CSMD2: variants seen among roughly 807,000 people sequenced by gnomAD.
The protein encoded by CSMD2 is CUB and Sushi multiple domains 2.
CSMD2 carries 130 observed loss-of-function variants against 398.5 expected under a neutral mutation model. That is an observed-to-expected ratio of 0.33 (90% CI 0.28 to 0.38). The LOEUF is 0.38. Ranked by LOEUF, CSMD2 falls within the 10% of genes least tolerant of loss-of-function variation. The probability of loss-of-function intolerance (pLI) is 1.00; values close to 1 mark genes in which losing one functional copy is unlikely to be tolerated. For missense variants in CSMD2, 3,829 were observed against 4,764.9 expected, an observed-to-expected ratio of 0.80 and a Z score of 5.78; for synonymous variants, 1,828 against 1,908.5, an observed-to-expected ratio of 0.96 and a Z score of 1.10.
Position 33,583,711 on chromosome 1 carries a change from A to T in CSMD2, c.7171T>A (p.Tyr2391Asn), listed in dbSNP as rs1458087646. 1 of 1,614,098 alleles carries T rather than the reference A, an allele frequency of 6.2e-7. No individual in the cohort carries two copies. The highest frequency in any genetic ancestry group is 1.3e-5 in the African/African-American group (1 of 74,938). ...TACTCCACTGTGAGGGAGATGTTAT[A>T]GTCGGGCTCCACTCTCACCAGCCAA... is the stretch of plus-strand genomic sequence containing the variant. ...CSWLVRVEPD[Y>N]NISLTVEYFL... Residue 2391 changes from tyrosine (Y) to asparagine (N), a missense_variant, in exon 47 of 71, where the codon TAT (tyrosine) becomes AAT (asparagine). Transcript: ENST00000373381.
In CSMD2 at chr1:33,641,080, C is replaced by T. The variant is rs373628556; in HGVS notation, c.4775-4526G>A. 1.3e-4 allele frequency among the ~76,000 whole-genome samples: 20 copies of T among 152,330 alleles called. 1 individual carries two copies. The South Asian group carries it at 3.7e-3, about 28-fold the overall frequency. On this transcript the variant is annotated intron_variant, in intron 29 of 70. Coordinates refer to ENST00000373381, the MANE Select transcript of CSMD2 (RefSeq NM_001281956.2). ...TCTGGCACAGAGGGCTTCTACTTAA[C>T]CTTTAGGGCTCTGTCTAAATGGATC...
intron 1 of CSMD2, among the ~76,000 whole-genome samples, chr1:34,151,814 TC>T (rs67575054): frequency 0.017 from 1,480 of 86,790 alleles, 23 homozygotes; most frequent in African/African-American, 0.052. Context: ...CCTCCCTCCC[TC>T]CCCCCCCTTC....
intron 1 of CSMD2, among the ~76,000 whole-genome samples, chr1:34,105,736 A>G (rs1313734241): frequency 1.3e-5 from 2 of 152,254 alleles, no homozygotes; most frequent in Non-Finnish European, 2.9e-5. Context: ...TTATTAATGC[A>G]TTATTAATAA....
intron 37 of CSMD2, among the ~76,000 whole-genome samples, chr1:33,621,387 G>A (rs1370077381): frequency 1.3e-5 from 2 of 152,116 alleles, no homozygotes; most frequent in Non-Finnish European, 2.9e-5. Context: ...CCATCCATGA[G>A]AGCACCTGTA....
At chr1:33,615,681 T>A (rs1245950859) in intron 39 of CSMD2, among the ~76,000 whole-genome samples, 1 of 152,240 alleles carries the variant, frequency 6.6e-6, no homozygotes, top group Non-Finnish European at 1.5e-5. Context: ...AAACCCCTAA[T>A]GAACAGCAGC....
In CSMD2 at chr1:34,145,712, G is replaced by A. The variant is rs76907943; in HGVS notation, c.187+19199C>T. On this transcript the variant is annotated intron_variant, in intron 1 of 70. Transcript: ENST00000373381. ...ACAAAGTTAGGTTGTGTCGAGGAAC[G>A]GGGAGGCATTTAGGAGTCTTTTCCC... Among the ~76,000 whole-genome samples, 1,326 of 152,268 alleles carry A rather than the reference G, an allele frequency of 8.7e-3. 20 individuals are homozygous for A. Among genetic ancestry groups the A allele is most frequent in the African/African-American group, 0.03 (1,259 of 41,538 alleles).
intron 1 of CSMD2, among the ~76,000 whole-genome samples, chr1:34,126,635 C>A (rs946261229): frequency 2.0e-5 from 3 of 152,088 alleles, no homozygotes; most frequent in Non-Finnish European, 4.4e-5. Context: ...AGTTAGACAC[C>A]CAGACGAGGG....
At position 33,846,969 on chromosome 1, in the gene CSMD2, G is replaced by A. The variant is rs150632282; in HGVS notation, c.948C>T (p.Pro316=). ...LWFTGASLPA[P]VISSKNWLRL... ...GCAGCCAGTTCTTGCTGCTGATAAC[G>A]GGGGCTGGGAGGCTGGCTCCGGTGA... is the stretch of plus-strand genomic sequence containing the variant. Residue 316 remains proline, a synonymous_variant, in exon 6 of 71, where the codon CCC becomes CCT. Transcript: ENST00000373381. The A allele has an allele frequency of 3.7e-5, 60 of 1,609,540 alleles. 1 individual carries two copies. The highest frequency in any genetic ancestry group is 3.1e-4 in the African/African-American group (23 of 74,808).
chr1:33,700,149 C>G (rs1047657271), intron 23 of CSMD2, among the ~76,000 whole-genome samples: 1 of 152,068 alleles, frequency 6.6e-6, no homozygotes, highest in East Asian at 1.9e-4. Context: ...GCTGGGATTA[C>G]AGGCACCCGC....
rs200500807 is a variant in CSMD2 at position 33,967,729 on chromosome 1, G to A, written c.518-31775C>T. ...ATAGGTTTGGGGGGCCTCACTCGGG[G>A]CAATGGGTCTCTGAGAAGAGCCCAG... On this transcript the variant is annotated intron_variant, in intron 3 of 70. Coordinates refer to ENST00000373381, the MANE Select transcript of CSMD2 (RefSeq NM_001281956.2). Among the ~76,000 whole-genome samples the A allele has an allele frequency of 9.2e-5, 14 of 152,314 alleles. No homozygotes were observed. In the East Asian group the frequency reaches 9.7e-4, roughly 11 times the overall value.
At chr1:33,924,810 C>T (rs973421013) in intron 4 of CSMD2, among the ~76,000 whole-genome samples, 2 of 152,116 alleles carry the variant, frequency 1.3e-5, no homozygotes, top group Non-Finnish European at 2.9e-5. Context: ...AACATTTTTT[C>T]ATATACCTGT....
At chr1:33,646,145 G>A (rs760177039) in intron 29 of CSMD2, among the ~76,000 whole-genome samples, 2 of 152,324 alleles carry the variant, frequency 1.3e-5, no homozygotes, top group South Asian at 2.1e-4. Flanking sequence ...AGTCTATGAC[G>A]AGGTGTCAGA....
chr1:34,092,225 CAT>C (rs1203503390), intron 1 of CSMD2, among the ~76,000 whole-genome samples: 1 of 152,110 alleles, frequency 6.6e-6, no homozygotes, highest in East Asian at 1.9e-4. Context: ...ACTGGAGAGA[CAT>C]AGCATAATCT....
chr1:34,082,516 G>A (rs953114682), intron 2 of CSMD2, among the ~76,000 whole-genome samples: 40 of 151,150 alleles, frequency 2.6e-4, no homozygotes, highest in African/African-American at 8.8e-4. Context: ...CTGCCTGGCC[G>A]CCACGTCTGG....
intron 39 of CSMD2, among the ~76,000 whole-genome samples, chr1:33,616,621 T>G (rs1033868576): frequency 6.6e-6 from 1 of 152,372 alleles, no homozygotes; most frequent in Non-Finnish European, 1.5e-5. Context: ...AAATTCCATC[T>G]GGGATCTGGT....
At chr1:33,989,894 T>A (rs1558210826) in intron 3 of CSMD2, among the ~76,000 whole-genome samples, 1 of 152,174 alleles carries the variant, frequency 6.6e-6, no homozygotes, top group Non-Finnish European at 1.5e-5. Flanking sequence ...GCGATGGAGA[T>A]GTTTATGTCT....
At chr1:33,811,279 A>G (rs10798993) in intron 9 of CSMD2, among the ~76,000 whole-genome samples, 16,527 of 152,090 alleles carry the variant, frequency 0.11, 1,171 homozygotes, top group East Asian at 0.27. Flanking sequence ...TCTGTTTCCC[A>G]ATTTGCACTC....
intron 9 of CSMD2, among the ~76,000 whole-genome samples, chr1:33,819,507 A>G (rs1657856938): frequency 2.0e-5 from 3 of 152,196 alleles, no homozygotes; most frequent in African/African-American, 4.8e-5. Flanking sequence ...TATCTTCCCC[A>G]TCTCTGTATC....
At chr1:34,121,198 A>G (rs976304683) in intron 1 of CSMD2, among the ~76,000 whole-genome samples, 2 of 152,192 alleles carry the variant, frequency 1.3e-5, no homozygotes, top group Non-Finnish European at 2.9e-5. Context: ...GTTTTCTCCT[A>G]TGTTCTTCCA....
Sources: gnomAD v4.1 joint callset for allele counts (sites outside exome capture counted in the v4.1 genomes callset) on GRCh38, gnomAD v4.1.1 for gene constraint, MANE v1.5 for transcripts, NCBI Gene and HGNC (gene_info 2026-07-23, HGNC 2026-07-21) for gene names.